CD9: variants seen among roughly 807,000 people sequenced by gnomAD.
CD9 encodes the protein CD9 molecule.
CD9 carries 10 observed loss-of-function variants against 31.4 expected under a neutral mutation model. The observed-to-expected ratio is 0.32, with a 90% confidence interval of 0.20 to 0.54. The LOEUF (loss-of-function observed/expected upper bound fraction) is 0.54. Ranked by LOEUF, CD9 falls within the 20% of genes least tolerant of loss-of-function variation. CD9 has a pLI of 0.94. For synonymous variants in CD9, 113 were observed against 114.1 expected (o/e 0.99, Z 0.06); for missense variants, 259 against 300.1 (o/e 0.86, Z 1.01).
chr12:6,211,177 A>T (rs889445317), intron 1 of CD9, among the ~76,000 whole-genome samples: 2 of 152,178 alleles, frequency 1.3e-5, no homozygotes, highest in African/African-American at 2.4e-5. Context: ...TCATCTAAAA[A>T]ATAGAAGACA....
At chr12:6,226,397 C>T (rs1276989707) in intron 2 of CD9, 1 of 152,222 alleles carries the variant, frequency 6.6e-6, no homozygotes, top group African/African-American at 2.4e-5. Flanking sequence ...CAAAGGAAAC[C>T]TCCTATTTTT....
chr12:6,216,449 A>T (rs761447993), intron 1 of CD9, among the ~76,000 whole-genome samples: 16 of 152,202 alleles, frequency 1.1e-4, no homozygotes, highest in Non-Finnish European at 2.1e-4. Flanking sequence ...AAGGAGGGTG[A>T]TAAAGAGGCC....
At chr12:6,203,664 T>C (rs1946099095) in intron 1 of CD9, among the ~76,000 whole-genome samples, 1 of 152,178 alleles carries the variant, frequency 6.6e-6, no homozygotes, top group South Asian at 2.1e-4. Flanking sequence ...TTTGATTGTT[T>C]CTACATTTCC....
intron 1 of CD9, among the ~76,000 whole-genome samples, chr12:6,212,907 C>T (rs1370184683): frequency 1.3e-5 from 2 of 152,060 alleles, no homozygotes; most frequent in Non-Finnish European, 2.9e-5. Context: ...ATAGCAGGGG[C>T]CATTTATGAC....
intron 2 of CD9, among the ~76,000 whole-genome samples, chr12:6,231,658 T>C (rs2136634782): frequency 6.6e-6 from 1 of 152,306 alleles, no homozygotes. Context: ...TCCCAGGAAT[T>C]TGCATTGTTC....
intron 1 of CD9, among the ~76,000 whole-genome samples, chr12:6,205,685 G>T (rs764830202): frequency 7.9e-5 from 12 of 152,220 alleles, no homozygotes; most frequent in Non-Finnish European, 1.6e-4. Flanking sequence ...TTTGGACTTG[G>T]TTGCAGGGTT....
intron 1 of CD9, among the ~76,000 whole-genome samples, chr12:6,222,640 C>T (rs950505124): frequency 2.0e-5 from 3 of 152,236 alleles, no homozygotes; most frequent in Admixed American, 1.3e-4. Context: ...GCCCAGCATC[C>T]TTCTTACCAC....
intron 1 of CD9, among the ~76,000 whole-genome samples, chr12:6,201,418 C>T (rs913281536): frequency 6.6e-6 from 1 of 152,218 alleles, no homozygotes; most frequent in Admixed American, 6.5e-5. Flanking sequence ...CCCAGGAGAG[C>T]CTTGGCCTTG....
At chr12:6,200,131 G>T (rs1348010179), upstream of CD9, 1 of 152,404 alleles carries the variant, frequency 6.6e-6, no homozygotes, top group Non-Finnish European at 1.5e-5. Flanking sequence ...AAGACGGCTT[G>T]AAGAAGGAGT....
intron 1 of CD9, among the ~76,000 whole-genome samples, chr12:6,203,592 A>G (rs940181200): frequency 1.3e-5 from 2 of 152,190 alleles, no homozygotes; most frequent in Non-Finnish European, 2.9e-5. Flanking sequence ...TGATGGCCAC[A>G]GCCAAACCAG....
intron 7 of CD9, among the ~76,000 whole-genome samples, chr12:6,237,315 T>G (rs962548187): frequency 6.6e-6 from 1 of 152,002 alleles, no homozygotes; most frequent in African/African-American, 2.4e-5. Flanking sequence ...ATTAACATTT[T>G]GGGAGGCCGA....
rs143146283 is a variant in CD9 at position 6,208,202 on chromosome 12, C to G, written c.66+7637C>G. Among the ~76,000 whole-genome samples the G allele has an allele frequency of 7.8e-3, 1,136 of 145,634 alleles. 13 individuals carry two copies. Among genetic ancestry groups the G allele is most frequent in the African/African-American group, 0.027 (1,075 of 39,320 alleles). On this transcript the variant is annotated intron_variant, in intron 1 of 7. Coordinates refer to ENST00000009180, the MANE Select transcript of CD9 (RefSeq NM_001769.4). ...TCGTGCCATTGCACTCCAGCCTGGG[C>G]GACAAGAGTGAAACTCCATCTCAAA...
At chr12:6,201,882 TAAA>T (rs1177116678) in intron 1 of CD9, among the ~76,000 whole-genome samples, 1 of 151,810 alleles carries the variant, frequency 6.6e-6, no homozygotes, top group African/African-American at 2.4e-5. Flanking sequence ...CACAAAAAAA[TAAA>T]AAATTAGCTG....
chr12:6,218,429 TC>T (rs1946262890), intron 1 of CD9, among the ~76,000 whole-genome samples: 1 of 152,168 alleles, frequency 6.6e-6, no homozygotes, highest in Non-Finnish European at 1.5e-5. Flanking sequence ...GAAACCACGT[TC>T]AACCCACTGC....
Position 6,233,438 on chromosome 12 carries a change from C to T in CD9, c.300C>T (p.Phe100=), listed in dbSNP as rs148844194. Residue 100 remains phenylalanine (F), a synonymous_variant, in exon 4 of 8, where the codon TTC becomes TTT. Coordinates refer to ENST00000009180, the MANE Select transcript of CD9 (RefSeq NM_001769.4). ...GLFFGFLLVI[F]AIEIAAAIWG... Reference sequence around the variant, plus strand: ...TCTTCGGCTTCCTCTTGGTGATATTCGCCATTGAAATAGCTGCGGCCATCT... The same window carrying T: ...TCTTCGGCTTCCTCTTGGTGATATTTGCCATTGAAATAGCTGCGGCCATCT... The T allele has an allele frequency of 5.9e-5, 96 of 1,614,042 alleles. 1 individual carries two copies. In the African/African-American group the frequency reaches 7.6e-4, roughly 13 times the overall value.
chr12:6,229,824 T>C (rs900580872), intron 2 of CD9, among the ~76,000 whole-genome samples: 9 of 151,772 alleles, frequency 5.9e-5, no homozygotes, highest in East Asian at 1.9e-4. Context: ...GCCTTTCTTT[T>C]TTTTTTTTTT....
At chr12:6,212,384 C>T (rs773380772) in intron 1 of CD9, among the ~76,000 whole-genome samples, 14 of 152,226 alleles carry the variant, frequency 9.2e-5, no homozygotes, top group Non-Finnish European at 1.9e-4. Flanking sequence ...CCTGGGAAAC[C>T]TCTCATGCAT....
intron 2 of CD9, among the ~76,000 whole-genome samples, chr12:6,226,103 A>G (rs933919520): frequency 3.9e-5 from 6 of 152,182 alleles, no homozygotes; most frequent in Non-Finnish European, 8.8e-5. Context: ...ATTTGTTTGT[A>G]TTTGACACGA....
chr12:6,202,710 C>T (rs1256612750), intron 1 of CD9, among the ~76,000 whole-genome samples: 2 of 152,180 alleles, frequency 1.3e-5, no homozygotes, highest in African/African-American at 4.8e-5. Flanking sequence ...ATGCCTGGCC[C>T]CAGCCTAGGT....
Sources: gnomAD v4.1 joint callset for allele counts (sites outside exome capture counted in the v4.1 genomes callset) on GRCh38, gnomAD v4.1.1 for gene constraint, MANE v1.5 for transcripts, NCBI Gene and HGNC (gene_info 2026-07-23, HGNC 2026-07-21) for gene names.